Variants in TMEM171 observed in about 807,000 individuals in gnomAD.
TMEM171 encodes transmembrane protein 171.
In TMEM171, 16 loss-of-function variants were observed where a neutral mutation model predicts 19.1. The observed-to-expected ratio is 0.84, with a 90% confidence interval of 0.57 to 1.27. TMEM171 has a LOEUF of 1.27. Ranked by LOEUF, TMEM171 falls within the 50% of genes most tolerant of loss-of-function variation. The probability of loss-of-function intolerance (pLI) is 0.00; values close to 1 mark genes in which losing one functional copy is unlikely to be tolerated. For synonymous variants in TMEM171, 153 were observed against 163.4 expected (o/e 0.94, Z 0.48); for missense variants, 429 against 412.7 (o/e 1.04, Z -0.34).
At chr5:73,124,217 T>C (rs1285584107) in intron 2 of TMEM171, among the ~76,000 whole-genome samples, 1 of 152,158 alleles carries the variant, frequency 6.6e-6, no homozygotes, top group Non-Finnish European at 1.5e-5. Flanking sequence ...TGTATACATC[T>C]TTTCCCCCCC....
At chr5:73,121,581 G>C (rs1744009062) in intron 1 of TMEM171, among the ~76,000 whole-genome samples, 1 of 152,182 alleles carries the variant, frequency 6.6e-6, no homozygotes, top group South Asian at 2.1e-4. Flanking sequence ...AAAAATTAGT[G>C]CAATGCTTTG....
chr5:73,130,173 T>C (rs1744294976), intron 3 of TMEM171, among the ~76,000 whole-genome samples: 4 of 150,824 alleles, frequency 2.7e-5, no homozygotes. Flanking sequence ...AAGGGCTGGG[T>C]TTTGGGAGAG....
At chr5:73,122,311 C>T (rs1744025790) in intron 1 of TMEM171, among the ~76,000 whole-genome samples, 1 of 152,190 alleles carries the variant, frequency 6.6e-6, no homozygotes, top group African/African-American at 2.4e-5. Context: ...AATTGAGCTC[C>T]TGTTGACCTG....
At chr5:73,122,132 C>G (rs1744021494) in intron 1 of TMEM171, among the ~76,000 whole-genome samples, 1 of 152,170 alleles carries the variant, frequency 6.6e-6, no homozygotes, top group South Asian at 2.1e-4. Context: ...TTATACTATT[C>G]TTTCAAAGCC....
chr5:73,120,723 C>T (rs573827491), intron 1 of TMEM171, 27 bp downstream of exon 1: 2 of 983,602 alleles, frequency 2.0e-6, no homozygotes, highest in Non-Finnish European at 2.4e-6. Flanking sequence ...CGCGCGCCTG[C>T]GCCGGCGGCG....
chr5:73,122,784 G>A (rs1744039339), intron 1 of TMEM171, among the ~76,000 whole-genome samples: 1 of 152,194 alleles, frequency 6.6e-6, no homozygotes, highest in Non-Finnish European at 1.5e-5. Context: ...TATTGAAATT[G>A]CTGAAATTGG....
intron 2 of TMEM171, among the ~76,000 whole-genome samples, chr5:73,126,407 A>C (rs901199335): frequency 6.6e-6 from 1 of 152,158 alleles, no homozygotes; most frequent in African/African-American, 2.4e-5. Context: ...GAATTAATGC[A>C]TTTTCTGAAG....
chr5:73,122,886 T>C (rs1454068030), intron 1 of TMEM171, among the ~76,000 whole-genome samples: 1 of 152,224 alleles, frequency 6.6e-6, no homozygotes, highest in East Asian at 1.9e-4. Context: ...CTGAACTGAC[T>C]TGAAAATGCT....
At chr5:73,129,400 A>G (rs775310238) in intron 3 of TMEM171, among the ~76,000 whole-genome samples, 32 of 152,208 alleles carry the variant, frequency 2.1e-4, no homozygotes, top group Non-Finnish European at 3.8e-4. Flanking sequence ...AAAGCAACCA[A>G]TTAGAGGCAC....
At chr5:73,124,156 A>C in intron 2 of TMEM171, 143 bp downstream of exon 2, 4 of 708,922 alleles carry the variant, frequency 5.6e-6, no homozygotes, top group Non-Finnish European at 6.7e-6. Context: ...ACACACCCCC[A>C]TCATGTGTAC....
intron 2 of TMEM171, among the ~76,000 whole-genome samples, chr5:73,127,826 G>A (rs552884309): frequency 6.6e-6 from 1 of 151,374 alleles, no homozygotes; most frequent in African/African-American, 2.4e-5. Context: ...CTGCAGCCTA[G>A]AACTCCTGGG....
chr5:73,120,719 C>T (rs1351882281), intron 1 of TMEM171, 23 bp downstream of exon 1: 1 of 983,596 alleles, frequency 1.0e-6, no homozygotes, highest in East Asian at 1.1e-4. Context: ...GGCCCGCGCG[C>T]CTGCGCCGGC....
In TMEM171 at chr5:73,131,755, T is replaced by C. The variant is rs1744368073; in HGVS notation, c.*25T>C. 3 of 1,541,394 alleles carry C rather than the reference T, an allele frequency of 1.9e-6. No homozygotes were observed. The highest frequency in any genetic ancestry group is 4.6e-5 in the East Asian group (2 of 43,464). On this transcript the variant is annotated 3_prime_UTR_variant, in exon 4 of 4. Coordinates refer to ENST00000454765, the MANE Select transcript of TMEM171 (RefSeq NM_173490.8). ...AACTATGGACTCTAGTTCAGTTTTATATGCAATGGATCACTATTTTATTTA... is the reference window on the plus strand; with the variant it reads ...AACTATGGACTCTAGTTCAGTTTTACATGCAATGGATCACTATTTTATTTA...
chr5:73,125,161 G>GA (rs1744127018), intron 2 of TMEM171, among the ~76,000 whole-genome samples: 1 of 151,998 alleles, frequency 6.6e-6, no homozygotes, highest in Non-Finnish European at 1.5e-5. Context: ...CAGGGTAGAT[G>GA]CTCCCAGCTT....
intron 2 of TMEM171, among the ~76,000 whole-genome samples, chr5:73,126,282 C>T (rs938346605): frequency 1.3e-5 from 2 of 152,196 alleles, no homozygotes; most frequent in African/African-American, 4.8e-5. Context: ...CTACCAAGAC[C>T]TTCTAAAAAA....
intron 1 of TMEM171, among the ~76,000 whole-genome samples, chr5:73,121,526 A>C (rs1365758681): frequency 6.6e-6 from 1 of 152,214 alleles, no homozygotes; most frequent in Non-Finnish European, 1.5e-5. Flanking sequence ...TGAAATTCTT[A>C]TTCACTGCAG....
At chr5:73,122,094 T>A (rs909225449) in intron 1 of TMEM171, among the ~76,000 whole-genome samples, 1 of 152,232 alleles carries the variant, frequency 6.6e-6, no homozygotes, top group Non-Finnish European at 1.5e-5. Context: ...GGTGATTTTC[T>A]GGAAGGTGCT....
chr5:73,123,989 A>G lies in TMEM171; in HGVS notation c.616A>G (p.Met206Val), dbSNP rs1332956496. The G allele has an allele frequency of 6.3e-7, 1 of 1,578,862 alleles. No individual in the cohort carries two copies. The highest frequency in any genetic ancestry group is 1.8e-5 in the Admixed American group (1 of 54,396). Reference sequence around the variant, plus strand: ...GAGAGAAGAGGGACAGATCCAGATTATGGAGCCTGTCCAGGTCACTGTAGG... The same window carrying G: ...GAGAGAAGAGGGACAGATCCAGATTGTGGAGCCTGTCCAGGTCACTGTAGG... ...SEREEGQIQI[M>V]EPVQVTVGDS... Residue 206 changes from methionine to valine, a missense_variant, in exon 2 of 4, where the codon ATG becomes GTG. Transcript: ENST00000454765.
chr5:73,127,384 A>AAAAAAAAAATATATATATATATATAT, intron 2 of TMEM171, among the ~76,000 whole-genome samples: 1 of 81,680 alleles, frequency 1.2e-5, no homozygotes, highest in African/African-American at 6.6e-5. Flanking sequence ...AAAAAAAAAA[A>AAAAAAAAAATATATATATATATATAT]ATATATATAT....
Sources: gnomAD v4.1 joint callset for allele counts (sites outside exome capture counted in the v4.1 genomes callset) on GRCh38, gnomAD v4.1.1 for gene constraint, MANE v1.5 for transcripts, NCBI Gene and HGNC (gene_info 2026-07-23, HGNC 2026-07-21) for gene names.